LY6G5B: variants seen among roughly 807,000 people sequenced by gnomAD.
The protein encoded by LY6G5B is lymphocyte antigen 6 family member G5B.
LY6G5B carries 6 observed loss-of-function variants against 6.7 expected under a neutral mutation model. The ratio of observed to expected loss-of-function variants is 0.89; its 90% CI spans 0.49 to 1.76. The LOEUF is 1.76. Among genes scored for constraint, LY6G5B ranks in the 40% most tolerant of loss-of-function variants. The pLI, the probability that LY6G5B is intolerant of heterozygous loss-of-function variation, is 0.01. For synonymous variants in LY6G5B, 98 were observed against 99.4 expected, an observed-to-expected ratio of 0.99 and a Z score of 0.09; for missense variants, 240 against 249.5, an observed-to-expected ratio of 0.96 and a Z score of 0.26.
rs542034820 is a variant in LY6G5B, at chr6:31,670,188, G to A, written c.-763G>A. On this transcript the variant is annotated 5_prime_UTR_variant, in exon 1 of 3. It adds an upstream start codon to the 5' untranslated region. Transcript: ENST00000375864. ...GAAAACCAGGACAGATTTGTGCTCA[G>A]TGGATTGGGTGGTGTTTTTAGTATG... 5.9e-5 allele frequency: 29 copies of A among 495,470 alleles called. No homozygotes were observed. The East Asian group carries it at 9.1e-4, about 16-fold the overall frequency. 30.7% of individuals were successfully genotyped at this position (495,470 alleles called of 1,614,324 possible). A position where few individuals can be genotyped will look rare whatever the true frequency, so the allele number is the denominator to read the frequency against.
At chr6:31,673,310 T>G (rs1802370575) in exon 3 of LY6G5B, 2 of 152,512 alleles carry the variant, frequency 1.3e-5, no homozygotes. Flanking sequence ...ATGTCCTGAC[T>G]TGGCAATTTT....
At chr6:31,671,695 G>A (rs1802229691) in intron 2 of LY6G5B, among the ~76,000 whole-genome samples, 169 bp from the exon 3 acceptor site, 1 of 152,090 alleles carries the variant, frequency 6.6e-6, no homozygotes, top group Admixed American at 6.6e-5. Context: ...CTTGGAAGGA[G>A]GGGTCTAAGG....
chr6:31,672,436 A>C, exon 3 of LY6G5B: 3 of 856,258 alleles, frequency 3.5e-6, no homozygotes, highest in South Asian at 1.8e-5. Context: ...TCTCTCTTGA[A>C]CTCTGGTGCT....
exon 3 of LY6G5B, chr6:31,672,144 T>A (rs1188994584): frequency 6.2e-7 from 1 of 1,613,130 alleles, no homozygotes; most frequent in East Asian, 2.2e-5. Context: ...CGGAGCCTGA[T>A]GGCCTGGACC....
chr6:31,671,853 C>G lies in LY6G5B; in HGVS notation c.188-11C>G. On this transcript the variant is annotated splice_polypyrimidine_tract_variant and intron_variant, in intron 2 of 2. Transcript: ENST00000375864. ...ATTGGAAGGGGTTATCAGCTTTCCC[C>G]TCTCCCTCAGATGTCAAGGTTCGCT... 3.8e-6 allele frequency: 6 copies of G among 1,599,094 alleles called. No homozygotes were observed. The highest frequency in any genetic ancestry group is 5.1e-6 in the Non-Finnish European group (6 of 1,170,264).
chr6:31,672,180 G>T, exon 3 of LY6G5B: 1 of 1,613,094 alleles, frequency 6.2e-7, no homozygotes. Context: ...CCCTGAACCT[G>T]GGCTTGTCTT....
chr6:31,673,413 C>T (rs929135729), exon 3 of LY6G5B: 12 of 152,890 alleles, frequency 7.8e-5, no homozygotes, highest in African/African-American at 2.7e-4. Context: ...TCTCTGGCTT[C>T]CTCGGCCCCA....
exon 1 of LY6G5B, chr6:31,670,998 A>G: frequency 6.2e-7 from 1 of 1,612,702 alleles, no homozygotes. Context: ...TGGGCTTCAC[A>G]GTAGGAAAGG....
In LY6G5B at chr6:31,671,807, G is replaced by A. The variant is rs191121072; in HGVS notation, c.188-57G>A. 110 of 1,546,184 alleles carry A rather than the reference G, an allele frequency of 7.1e-5. No individual in the cohort carries two copies. In the East Asian group the frequency reaches 2.4e-3, roughly 34 times the overall value. ...AGGATGGGAAAAGTCAGTAGCAGGG[G>A]TTCTTGGACTATGGGAAGCTATTGG... On this transcript the variant is annotated intron_variant, in intron 2 of 2. Coordinates refer to ENST00000375864, the Ensembl canonical transcript of LY6G5B.
At position 31,670,469 on chromosome 6, in the gene LY6G5B, C is replaced by T. The variant is rs114544166; in HGVS notation, c.-482C>T. 875 of 174,948 alleles carry T rather than the reference C, an allele frequency of 5.0e-3. 10 individuals are homozygous for T. Among genetic ancestry groups the T allele is most frequent in the African/African-American group, 0.02 (825 of 42,112 alleles). 10.8% of individuals were successfully genotyped at this position (174,948 alleles called of 1,614,324 possible). On this transcript the variant is annotated 5_prime_UTR_variant, in exon 1 of 3. Coordinates refer to ENST00000375864, the Ensembl canonical transcript of LY6G5B. ...TGCTCAGTGATGTGTGTGTGCCTGC[C>T]GCTGGTGGAGCTGAGACTGCTCATC... is the stretch of plus-strand genomic sequence containing the variant.
intron 2 of LY6G5B, among the ~76,000 whole-genome samples, chr6:31,671,536 T>C (rs1802216721): frequency 6.6e-6 from 1 of 151,994 alleles, no homozygotes; most frequent in Non-Finnish European, 1.5e-5. Flanking sequence ...GGCATGGTGG[T>C]ATGCACCTGT....
exon 3 of LY6G5B, chr6:31,672,125 A>T: frequency 1.2e-6 from 2 of 1,612,820 alleles, no homozygotes; most frequent in Non-Finnish European, 1.7e-6. Context: ...CCCAATTTCC[A>T]TGCTGGGACG....
chr6:31,672,601 C>T (rs969603609), exon 3 of LY6G5B: 11 of 333,548 alleles, frequency 3.3e-5, no homozygotes, highest in Non-Finnish European at 5.5e-5. Context: ...TGCACCACCA[C>T]GCCTGGCTAA....
Sources: gnomAD v4.1 joint callset for allele counts (sites outside exome capture counted in the v4.1 genomes callset) on GRCh38, gnomAD v4.1.1 for gene constraint, MANE v1.5 for transcripts, NCBI Gene and HGNC (gene_info 2026-07-23, HGNC 2026-07-21) for gene names.